Variants in SOX5 observed in about 807,000 individuals in gnomAD.
The protein encoded by SOX5 is SRY-box transcription factor 5.
Under a neutral mutation model 92.0 loss-of-function variants are expected in SOX5, and 9 were observed. That is an observed-to-expected ratio of 0.10 (90% confidence interval 0.06 to 0.17). The LOEUF is 0.17. Ranked by LOEUF, SOX5 falls within the 10% of genes least tolerant of loss-of-function variation. The pLI is 1.00. For synonymous variants in SOX5, 344 were observed against 336.3 expected, an observed-to-expected ratio of 1.02 and a Z score of -0.25; for missense variants, 642 against 944.5, an observed-to-expected ratio of 0.68 and a Z score of 4.20.
intron 1 of SOX5, among the ~76,000 whole-genome samples, chr12:23,921,295 A>G (rs1938184754): frequency 6.6e-6 from 1 of 152,168 alleles, no homozygotes; most frequent in Non-Finnish European, 1.5e-5. Flanking sequence ...GCAGCTGTTC[A>G]GCACTAGCAC....
intron 8 of SOX5, among the ~76,000 whole-genome samples, chr12:23,611,882 T>C (rs541582725): frequency 1.1e-4 from 17 of 151,760 alleles, no homozygotes; most frequent in African/African-American, 3.6e-4. Flanking sequence ...ACCAACTTCA[T>C]TAAACTTCAT....
At chr12:23,687,747 C>T (rs1412351655) in intron 6 of SOX5, among the ~76,000 whole-genome samples, 4 of 152,048 alleles carry the variant, frequency 2.6e-5, no homozygotes, top group East Asian at 1.9e-4. Flanking sequence ...ATAATGAGCT[C>T]AATCTATAAT....
chr12:23,788,548 T>C (rs1275030871), intron 3 of SOX5, among the ~76,000 whole-genome samples: 1 of 151,900 alleles, frequency 6.6e-6, no homozygotes, highest in Non-Finnish European at 1.5e-5. Context: ...ATAAAAGCAA[T>C]TGTATAATGG....
chr12:24,266,034 ATGTGTGTGTGTGTGTGTGTGTG>A (rs59696898), intron 3 of SOX5, among the ~76,000 whole-genome samples: 163 of 127,718 alleles, frequency 1.3e-3, no homozygotes, highest in Middle Eastern at 3.7e-3. Flanking sequence ...ATGCCAGCTA[ATGTGTGTGTGTGTGTGTGTGTG>A]TGTGTGTGTG....
rs2097173925 is a variant in SOX5 at position 23,896,030 on chromosome 12, AG to A, written c.39-7del. 1 of 1,586,876 alleles carries A rather than the reference AG, an allele frequency of 6.3e-7. No individual in the cohort carries two copies. Among genetic ancestry groups the A allele is most frequent in the African/African-American group, 1.3e-5 (1 of 74,232 alleles). On this transcript the variant is annotated splice_region_variant and splice_polypyrimidine_tract_variant and intron_variant, in intron 1 of 14. Coordinates refer to ENST00000451604, the MANE Select transcript of SOX5 (RefSeq NM_006940.6). The stretch of plus-strand genomic sequence containing the variant: ...CTGGTCGCTTGGAAGACATCCTGGA[AG>A]GAACAAAAGAGGAGAAAATAATGAA...
chr12:24,154,313 C>T (rs1457606984), intron 4 of SOX5, among the ~76,000 whole-genome samples: 17 of 152,148 alleles, frequency 1.1e-4, no homozygotes, highest in Non-Finnish European at 1.5e-5. Context: ...ATAAGGCATT[C>T]TCAGCCCTGC....
Position 23,979,901 on chromosome 12 carries a change from CTGGCTGGCTGG to C in SOX5, c.-1-83888_-1-83878del, listed in dbSNP as rs1569371893. ...CCTGGCTGGCTGGCTGGCTGGCTGG[CTGGCTGGCTGG>C]CCAGACAGACAGACAGACAGACAGA... On this transcript the variant is annotated intron_variant, in intron 4 of 4. Transcript: ENST00000446891. Among the ~76,000 whole-genome samples the C allele has an allele frequency of 2.5e-3, 347 of 141,300 alleles. 4 individuals carry two copies. The highest frequency in any genetic ancestry group is 8.0e-3 in the African/African-American group (297 of 37,118). The allele number at this position is 141,300 out of a possible 152,430, so 92.7% of individuals were successfully genotyped here. A position where few individuals can be genotyped will look rare whatever the true frequency, so the allele number is the denominator to read the frequency against.
At chr12:23,770,295 C>G (rs769436371) in intron 3 of SOX5, among the ~76,000 whole-genome samples, 1 of 151,854 alleles carries the variant, frequency 6.6e-6, no homozygotes, top group Non-Finnish European at 1.5e-5. Context: ...CCCCACCCAC[C>G]CAACGCAGAG....
chr12:23,720,745 C>T (rs187404834), intron 6 of SOX5, among the ~76,000 whole-genome samples: 4 of 152,226 alleles, frequency 2.6e-5, no homozygotes, highest in African/African-American at 7.2e-5. Context: ...CTCTTAAAAA[C>T]GTGTCATTTA....
chr12:23,914,486 A>C (rs1209066151), intron 1 of SOX5, among the ~76,000 whole-genome samples: 2 of 152,172 alleles, frequency 1.3e-5, no homozygotes, highest in Non-Finnish European at 2.9e-5. Context: ...AAGTGTTTCA[A>C]TTTTATTTCC....
chr12:24,010,789 A>G (rs960902560), intron 4 of SOX5, among the ~76,000 whole-genome samples: 2 of 151,608 alleles, frequency 1.3e-5, no homozygotes, highest in Non-Finnish European at 2.9e-5. Context: ...ACAAAAAAAA[A>G]TTAGCCCGGT....
chr12:23,567,464 A>ATTTT lies in SOX5; in HGVS notation c.1343-4065_1343-4062dup, dbSNP rs35620007. Among the ~76,000 whole-genome samples the ATTTT allele has an allele frequency of 5.3e-3, 628 of 119,132 alleles. 13 individuals carry two copies. Among genetic ancestry groups the ATTTT allele is most frequent in the African/African-American group, 0.013 (408 of 31,542 alleles). The allele number at this position is 119,132 out of a possible 152,430, so 78.2% of individuals were successfully genotyped here. On this transcript the variant is annotated intron_variant, in intron 10 of 14. Coordinates refer to ENST00000451604, the MANE Select transcript of SOX5 (RefSeq NM_006940.6). ...GTTAAATTCACTATAATTTGATTTG[A>ATTTT]TTTTTTTTTTTTTTTTTTTTTTGAA...
At chr12:24,239,319 A>C (rs939658137) in intron 3 of SOX5, among the ~76,000 whole-genome samples, 1 of 152,216 alleles carries the variant, frequency 6.6e-6, no homozygotes, top group Non-Finnish European at 1.5e-5. Flanking sequence ...AAACTCACTA[A>C]ATTTCCTTAG....
intron 4 of SOX5, among the ~76,000 whole-genome samples, chr12:23,989,218 CAA>C (rs554892984): frequency 0.12 from 12,438 of 104,408 alleles, 515 homozygotes; most frequent in Middle Eastern, 0.16. Context: ...GCCAAAAATA[CAA>C]AAAAAAAAAA....
At chr12:23,844,033 T>C (rs898197897) in intron 3 of SOX5, among the ~76,000 whole-genome samples, 1 of 152,188 alleles carries the variant, frequency 6.6e-6, no homozygotes, top group Non-Finnish European at 1.5e-5. Flanking sequence ...AAGTAAAAAA[T>C]GCACTTAATT....
chr12:23,568,113 G>A (rs1269600468), intron 10 of SOX5, among the ~76,000 whole-genome samples: 1 of 152,128 alleles, frequency 6.6e-6, no homozygotes, highest in African/African-American at 2.4e-5. Context: ...CTGAAATTAG[G>A]CTGGGCCATA....
chr12:24,103,796 T>G (rs1946364552), intron 4 of SOX5, among the ~76,000 whole-genome samples: 3 of 152,174 alleles, frequency 2.0e-5, no homozygotes, highest in Admixed American at 2.0e-4. Context: ...TTCTCAAATA[T>G]GGGGTAAGGA....
intron 1 of SOX5, among the ~76,000 whole-genome samples, chr12:24,380,201 A>G (rs187660698): frequency 2.6e-5 from 4 of 152,332 alleles, no homozygotes; most frequent in East Asian, 3.9e-4. Flanking sequence ...CATAGGGGCA[A>G]AGTTGGTATC....
At chr12:23,823,689 G>A (rs760232245) in intron 3 of SOX5, among the ~76,000 whole-genome samples, 7 of 152,114 alleles carry the variant, frequency 4.6e-5, no homozygotes, top group Admixed American at 2.0e-4. Flanking sequence ...AAGTTCTCCT[G>A]GATAATATCC....
Sources: allele counts gnomAD v4.1 joint callset (sites outside exome capture counted in the v4.1 genomes callset), GRCh38; gene constraint gnomAD v4.1.1; transcripts MANE v1.5; gene names NCBI Gene and HGNC (gene_info 2026-07-23, HGNC 2026-07-21).